Variants in B3GALT1 observed in about 807,000 individuals in gnomAD.
The protein encoded by B3GALT1 is UDP-Gal:betaGlcNAc beta 1,3-galactosyltransferase, polypeptide 1.
In B3GALT1, 10 loss-of-function variants were observed where a neutral mutation model predicts 23.2. The ratio of observed to expected loss-of-function variants is 0.43; its 90% CI spans 0.27 to 0.73. B3GALT1 has a LOEUF of 0.73. Among genes scored for constraint, B3GALT1 ranks in the 30% least tolerant of loss-of-function variants. The pLI is 0.21. For synonymous variants in B3GALT1, 156 were observed against 141.5 expected, an observed-to-expected ratio of 1.10 and a Z score of -0.73; for missense variants, 299 against 405.4, an observed-to-expected ratio of 0.74 and a Z score of 2.25.
intron 2 of B3GALT1, among the ~76,000 whole-genome samples, chr2:167,519,710 A>T (rs1170483560): frequency 6.6e-6 from 1 of 152,232 alleles, no homozygotes; most frequent in African/African-American, 2.4e-5. Context: ...AATATGAGGT[A>T]TTCACATTTC....
chr2:167,496,236 GGAGTGGGT>G (rs781566935), intron 2 of B3GALT1, among the ~76,000 whole-genome samples: 1 of 152,176 alleles, frequency 6.6e-6, no homozygotes, highest in Non-Finnish European at 1.5e-5. Context: ...AGTTGACTGG[GGAGTGGGT>G]GCCCATGAGG....
chr2:167,650,936 A>ATC (rs1407375537), intron 3 of B3GALT1, among the ~76,000 whole-genome samples: 1 of 152,178 alleles, frequency 6.6e-6, no homozygotes, highest in Non-Finnish European at 1.5e-5. Context: ...ACAAAAGAAT[A>ATC]TCTCTTCCTT....
intron 3 of B3GALT1, among the ~76,000 whole-genome samples, chr2:167,672,381 GA>G (rs1304741914): frequency 6.6e-6 from 1 of 152,098 alleles, no homozygotes; most frequent in African/African-American, 2.4e-5. Context: ...ATAGGAATAA[GA>G]AAAAGCTTGG....
chr2:167,754,863 A>G (rs1477380288), intron 3 of B3GALT1, among the ~76,000 whole-genome samples: 12 of 152,360 alleles, frequency 7.9e-5, no homozygotes, highest in African/African-American at 2.9e-4. Flanking sequence ...TCAATCACAC[A>G]AATGTGTTGT....
intron 3 of B3GALT1, among the ~76,000 whole-genome samples, chr2:167,735,131 G>A (rs1687472196): frequency 6.6e-6 from 1 of 152,180 alleles, no homozygotes; most frequent in African/African-American, 2.4e-5. Flanking sequence ...CCAAGTGAAA[G>A]CAGGCTTAAG....
chr2:167,357,550 C>T (rs1024992864), intron 1 of B3GALT1, among the ~76,000 whole-genome samples: 1 of 152,066 alleles, frequency 6.6e-6, no homozygotes, highest in Non-Finnish European at 1.5e-5. Flanking sequence ...GAGGAATTTT[C>T]TTCCTCTTTT....
chr2:167,323,380 C>A (rs934600339), intron 1 of B3GALT1, among the ~76,000 whole-genome samples: 1 of 151,884 alleles, frequency 6.6e-6, no homozygotes, highest in African/African-American at 2.4e-5. Context: ...ACATATAGGA[C>A]TATATTTAAA....
At chr2:167,693,866 T>C (rs1364062351) in intron 3 of B3GALT1, among the ~76,000 whole-genome samples, 1 of 152,094 alleles carries the variant, frequency 6.6e-6, no homozygotes, top group Non-Finnish European at 1.5e-5. Context: ...GACCACCCCA[T>C]AACACAGAGG....
At chr2:167,473,753 C>A (rs1699450705) in intron 1 of B3GALT1, among the ~76,000 whole-genome samples, 1 of 152,010 alleles carries the variant, frequency 6.6e-6, no homozygotes, top group Non-Finnish European at 1.5e-5. Context: ...TTTAGGAGGA[C>A]AAATAGGGGA....
chr2:167,603,893 CT>C lies in B3GALT1; in HGVS notation c.-409-43005del, dbSNP rs551000087. ...ACTGAAGTCTTTAAAAGAAAAAGTT[CT>C]TTTTTTTTTTCAAATCACATAGAAC... On this transcript the variant is annotated intron_variant, in intron 2 of 4. Coordinates refer to ENST00000392690, the MANE Select transcript of B3GALT1 (RefSeq NM_020981.4). 9.2e-3 allele frequency among the ~76,000 whole-genome samples: 1,254 copies of C among 136,834 alleles called. 17 individuals are homozygous for C. Among genetic ancestry groups the C allele is most frequent in the African/African-American group, 0.027 (1,030 of 38,376 alleles). 89.8% of individuals were successfully genotyped at this position (136,834 alleles called of 152,430 possible).
At chr2:167,553,622 A>G (rs1312520641) in intron 2 of B3GALT1, among the ~76,000 whole-genome samples, 1 of 152,228 alleles carries the variant, frequency 6.6e-6, no homozygotes, top group Non-Finnish European at 1.5e-5. Flanking sequence ...CATTTCATCT[A>G]TAAAATGGTC....
rs527852252 is a variant in B3GALT1 at position 167,393,017 on chromosome 2, G to A, written c.-510-97160G>A. Among the ~76,000 whole-genome samples the A allele has an allele frequency of 5.0e-3, 763 of 152,122 alleles. 5 individuals carry two copies. Among genetic ancestry groups the A allele is most frequent in the Middle Eastern group, 0.017 (5 of 294 alleles). On this transcript the variant is annotated intron_variant, in intron 1 of 4. Transcript: ENST00000392690. Reference sequence around the variant, plus strand: ...TGGGAGGCCGAGGCGGGTGGATCACGAAGTCAGCAGATCAAGACCATCCTG... The same window carrying A: ...TGGGAGGCCGAGGCGGGTGGATCACAAAGTCAGCAGATCAAGACCATCCTG...
intron 1 of B3GALT1, among the ~76,000 whole-genome samples, chr2:167,482,997 TTTC>T (rs1045268057): frequency 7.3e-4 from 111 of 152,248 alleles, no homozygotes; most frequent in African/African-American, 2.6e-3. Context: ...CTCATTAAAA[TTTC>T]TTGAGGCCAG....
chr2:167,696,020 G>A (rs930866687), intron 3 of B3GALT1, among the ~76,000 whole-genome samples: 21 of 151,984 alleles, frequency 1.4e-4, no homozygotes, highest in African/African-American at 4.6e-4. Context: ...ATGGCCACAC[G>A]TTGCAACAAG....
At chr2:167,478,562 A>G (rs907513884) in intron 1 of B3GALT1, among the ~76,000 whole-genome samples, 37 of 69,496 alleles carry the variant, frequency 5.3e-4, no homozygotes, top group African/African-American at 1.4e-3. Context: ...TTTTAGGGTT[A>G]TTATAGTTTT....
chr2:167,861,173 C>T (rs928854259), intron 4 of B3GALT1, among the ~76,000 whole-genome samples: 1 of 152,108 alleles, frequency 6.6e-6, no homozygotes, highest in Non-Finnish European at 1.5e-5. Flanking sequence ...TTGTTCAACA[C>T]GTTATTAAGA....
intron 1 of B3GALT1, among the ~76,000 whole-genome samples, chr2:167,300,237 T>C (rs888253408): frequency 1.3e-5 from 2 of 152,208 alleles, no homozygotes; most frequent in African/African-American, 4.8e-5. Flanking sequence ...TAAAGAGTTA[T>C]TTCAATGCTG....
chr2:167,795,256 CT>C (rs1256052136), intron 3 of B3GALT1, among the ~76,000 whole-genome samples: 1 of 152,166 alleles, frequency 6.6e-6, no homozygotes, highest in African/African-American at 2.4e-5. Context: ...AGCCAAAACT[CT>C]AAGGCAAGAC....
chr2:167,509,757 A>G (rs1699975174), intron 2 of B3GALT1, among the ~76,000 whole-genome samples: 1 of 152,150 alleles, frequency 6.6e-6, no homozygotes, highest in Admixed American at 6.5e-5. Context: ...TGAGATCAGC[A>G]ACGTTAAGGG....
Sources: allele counts gnomAD v4.1 joint callset (sites outside exome capture counted in the v4.1 genomes callset), GRCh38; gene constraint gnomAD v4.1.1; transcripts MANE v1.5; gene names NCBI Gene and HGNC (gene_info 2026-07-23, HGNC 2026-07-21).